The following CA12 variants were observed in gnomAD, a reference collection of about 807,000 sequenced individuals.
CA12 encodes carbonic anhydrase 12, also known as carbonate dehydratase XII.
In CA12, 36 loss-of-function variants were observed where a neutral mutation model predicts 46.8. That is an observed-to-expected ratio of 0.77 (90% confidence interval 0.59 to 1.02). The LOEUF is 1.02. Among genes scored for constraint, CA12 ranks in the 50% least tolerant of loss-of-function variants. The probability of loss-of-function intolerance (pLI) is 0.00; values close to 1 mark genes in which losing one functional copy is unlikely to be tolerated. For missense variants in CA12, 436 were observed against 451.4 expected (o/e 0.97, Z 0.31); for synonymous variants, 202 against 187.0 (o/e 1.08, Z -0.65).
rs117865537 is a variant in CA12 at position 63,348,345 on chromosome 15, G to A, written c.107-1636C>T. On this transcript the variant is annotated intron_variant, in intron 2 of 10. Coordinates refer to ENST00000178638, the MANE Select transcript of CA12 (RefSeq NM_001218.5). The surrounding 1 kb of genome is among the most constrained non-coding windows in gnomAD (Gnocchi z 4.6). ...CACCAAGATGGTGACTAGGGAAGAG[G>A]GAGGCTGGAGGATATCAAAGCAGGC... Among the ~76,000 whole-genome samples, 294 of 152,278 alleles carry A rather than the reference G, an allele frequency of 1.9e-3. No homozygotes were observed. The highest frequency in any genetic ancestry group is 3.3e-3 in the Non-Finnish European group (222 of 68,026).
At chr15:63,363,147 T>G (rs1018767942) in intron 2 of CA12, among the ~76,000 whole-genome samples, 1 of 152,228 alleles carries the variant, frequency 6.6e-6, no homozygotes, top group African/African-American at 2.4e-5. Flanking sequence ...CTTTCTTTTT[T>G]TCTTAGGGGC....
At position 63,339,940 on chromosome 15, in the gene CA12, A is replaced by G. The variant is rs1396722093; in HGVS notation, c.747+348T>C. ...TCATTGCTGCAATCCCATCTCTTAAATGATTTCATCTGATCCTGTCTTTAT... is the reference window on the plus strand; with the variant it reads ...TCATTGCTGCAATCCCATCTCTTAAGTGATTTCATCTGATCCTGTCTTTAT... On this transcript the variant is annotated intron_variant, in intron 7 of 10. Coordinates refer to ENST00000178638, the MANE Select transcript of CA12 (RefSeq NM_001218.5). This position sits in a 1 kb window ranked among gnomAD's most constrained non-coding sequence, Gnocchi z 4.3. 1 of 356,836 alleles carries G rather than the reference A, an allele frequency of 2.8e-6. No homozygotes were observed. Among genetic ancestry groups the G allele is most frequent in the East Asian group, 7.2e-5 (1 of 13,804 alleles). The allele number at this position is 356,836 out of a possible 1,614,324, so 22.1% of individuals were successfully genotyped here. A position where few individuals can be genotyped will look rare whatever the true frequency, so the allele number is the denominator to read the frequency against.
chr15:63,332,040 G>A (rs1393501715), intron 8 of CA12, among the ~76,000 whole-genome samples: 3 of 152,160 alleles, frequency 2.0e-5, no homozygotes, highest in African/African-American at 4.8e-5. Flanking sequence ...GTTACGTAGC[G>A]ATATCCTTAG....
Position 63,346,668 on chromosome 15 carries a change from A to G in CA12, c.148T>C (p.Cys50Arg). 2 of 1,614,188 alleles carry G rather than the reference A, an allele frequency of 1.2e-6. No homozygotes were observed. The highest frequency in any genetic ancestry group is 1.7e-6 in the Non-Finnish European group (2 of 1,180,022). Residue 50 changes from cysteine (C) to arginine (R), a missense_variant, in exon 3 of 11, where the codon TGT becomes CGT. By Grantham distance (180) the Cys-to-Arg change is radical (BLOSUM62 -3). Coordinates refer to ENST00000178638, the MANE Select transcript of CA12 (RefSeq NM_001218.5). ...ENSWSKKYPS[C>R]GGLLQSPIDL... ...ATGGGGGACTGCAGCAGGCCCCCAC[A>G]CGACGGGTACTTCTTGGACCAGCTA...
intron 8 of CA12, among the ~76,000 whole-genome samples, chr15:63,335,799 A>T (rs2038995505): frequency 1.3e-5 from 2 of 152,150 alleles, no homozygotes; most frequent in African/African-American, 4.8e-5. Flanking sequence ...ACACTGACAA[A>T]GTCTCACACC....
chr15:63,339,069 G>T lies in CA12; in HGVS notation c.748-124C>A. The T allele has an allele frequency of 8.2e-7, 1 of 1,213,414 alleles. No individual in the cohort carries two copies. The highest frequency in any genetic ancestry group is 1.5e-5 in the African/African-American group (1 of 66,864). 75.2% of individuals were successfully genotyped at this position (1,213,414 alleles called of 1,614,324 possible). A position where few individuals can be genotyped will look rare whatever the true frequency, so the allele number is the denominator to read the frequency against. On this transcript the variant is annotated intron_variant, in intron 7 of 10. Coordinates refer to ENST00000178638, the MANE Select transcript of CA12 (RefSeq NM_001218.5). The surrounding 1 kb of genome is among the most constrained non-coding windows in gnomAD (Gnocchi z 4.3). ...TCTGGAACCAGCTTCTGTGGGGCCG[G>T]GTGGGAGATATTAGAAAGCAGAGGG...
chr15:63,327,178 C>T lies in CA12; in HGVS notation c.963G>A (p.Val321=), dbSNP rs2038877988. The T allele has an allele frequency of 1.2e-6, 2 of 1,614,056 alleles. No individual in the cohort carries two copies. Among genetic ancestry groups the T allele is most frequent in the East Asian group, 2.2e-5 (1 of 44,880 alleles). Residue 321 remains valine, a synonymous_variant, in exon 10 of 11, where the codon GTG becomes GTA. Coordinates refer to ENST00000178638, the MANE Select transcript of CA12 (RefSeq NM_001218.5). The surrounding 1 kb of genome is among the most constrained non-coding windows in gnomAD (Gnocchi z 4.5). ...AGILGICIVV[V]VSIWLFRRKS... Reference sequence around the variant, plus strand: ...TCCTTCTGAAAAGCCAAATGGACACCACCACCACAATACAGATGCCAAGAA... The same window carrying T: ...TCCTTCTGAAAAGCCAAATGGACACTACCACCACAATACAGATGCCAAGAA...
At chr15:63,342,675 G>A (rs975072086) in intron 4 of CA12, among the ~76,000 whole-genome samples, 1 of 152,146 alleles carries the variant, frequency 6.6e-6, no homozygotes, top group East Asian at 1.9e-4. Flanking sequence ...GCCTGAACTA[G>A]TTTTCATGTT....
Position 63,345,007 on chromosome 15 carries a change from C to A in CA12, c.429+470G>T, listed in dbSNP as rs2039127580. ...GCCAGGTAGAAGGGTGGCCCTAGAC[C>A]CATGTCCCCATGTTCTAAACACAAC... is the stretch of plus-strand genomic sequence containing the variant. On this transcript the variant is annotated intron_variant, in intron 4 of 10. Coordinates refer to ENST00000178638, the MANE Select transcript of CA12 (RefSeq NM_001218.5). The surrounding 1 kb of genome is among the most constrained non-coding windows in gnomAD (Gnocchi z 4.3). Among the ~76,000 whole-genome samples, 1 of 152,096 alleles carries A rather than the reference C, an allele frequency of 6.6e-6. No individual in the cohort carries two copies. Among genetic ancestry groups the A allele is most frequent in the African/African-American group, 2.4e-5 (1 of 41,392 alleles).
At chr15:63,371,770 G>T (rs1381104981) in intron 2 of CA12, among the ~76,000 whole-genome samples, 1 of 152,182 alleles carries the variant, frequency 6.6e-6, no homozygotes, top group African/African-American at 2.4e-5. Context: ...CTAACATGAT[G>T]TGCTCTCGGG....
intron 1 of CA12, among the ~76,000 whole-genome samples, chr15:63,376,742 A>C (rs1030184203): frequency 6.6e-6 from 1 of 151,890 alleles, no homozygotes; most frequent in Admixed American, 6.6e-5. Flanking sequence ...TCCTGGGCTC[A>C]AGCAATCCTC....
intron 2 of CA12, among the ~76,000 whole-genome samples, chr15:63,356,615 T>C (rs1233847232): frequency 6.6e-6 from 1 of 151,260 alleles, no homozygotes; most frequent in Non-Finnish European, 1.5e-5. Context: ...CTCTGCCTCC[T>C]GGGTTCAAGC....
chr15:63,376,104 C>T (rs1025644709), intron 1 of CA12, among the ~76,000 whole-genome samples: 3 of 152,122 alleles, frequency 2.0e-5, no homozygotes, highest in Admixed American at 6.5e-5. Flanking sequence ...CCACCATGCC[C>T]GGCCAAATTG....
chr15:63,371,943 C>T (rs915095110), intron 2 of CA12, among the ~76,000 whole-genome samples: 18 of 152,132 alleles, frequency 1.2e-4, no homozygotes, highest in African/African-American at 4.1e-4. Context: ...ATCTCCCAGC[C>T]AGCTGGAACT....
In CA12 at chr15:63,348,439, G is replaced by A. The variant is rs551189196; in HGVS notation, c.107-1730C>T. Among the ~76,000 whole-genome samples the A allele has an allele frequency of 9.8e-4, 149 of 152,264 alleles. No homozygotes were observed. The highest frequency in any genetic ancestry group is 3.0e-3 in the African/African-American group (124 of 41,540). On this transcript the variant is annotated intron_variant, in intron 2 of 10. Coordinates refer to ENST00000178638, the MANE Select transcript of CA12 (RefSeq NM_001218.5). The surrounding 1 kb of genome is among the most constrained non-coding windows in gnomAD (Gnocchi z 4.6). The stretch of plus-strand genomic sequence containing the variant: ...CCAAACCGAATGCTTTAGGGGCAGC[G>A]GGGAGCAGAATGAAGCAACCGTGAG...
chr15:63,365,436 C>T (rs1432916181), intron 2 of CA12, among the ~76,000 whole-genome samples: 1 of 152,240 alleles, frequency 6.6e-6, no homozygotes, highest in Non-Finnish European at 1.5e-5. Context: ...GACTCTGCTC[C>T]TCAGGCTGCT....
chr15:63,327,213 G>C lies in CA12; in HGVS notation c.928C>G (p.Leu310Val). ...LSLGIILSLA[L>V]AGILGICIVV... is the part of the protein sequence containing the mutation. ...ATACAGATGCCAAGAATGCCAGCCA[G>C]GGCCAGTGAGAGGATGATGCCTGGT... Residue 310 changes from leucine (L) to valine (V), a missense_variant, in exon 10 of 11, where the codon CTG becomes GTG. Transcript: ENST00000178638. This position sits in a 1 kb window ranked among gnomAD's most constrained non-coding sequence, Gnocchi z 4.5. 1 of 1,614,014 alleles carries C rather than the reference G, an allele frequency of 6.2e-7. No individual in the cohort carries two copies. The highest frequency in any genetic ancestry group is 8.5e-7 in the Non-Finnish European group (1 of 1,179,932).
At chr15:63,366,515 A>G (rs1403139864) in intron 2 of CA12, among the ~76,000 whole-genome samples, 1 of 152,220 alleles carries the variant, frequency 6.6e-6, no homozygotes, top group Non-Finnish European at 1.5e-5. Flanking sequence ...TCATAATGGT[A>G]GGGACCAAGC....
rs969724340 is a variant in CA12 at position 63,378,315 on chromosome 15, G to T, written c.86-2637C>A. 3.9e-5 allele frequency among the ~76,000 whole-genome samples: 6 copies of T among 152,168 alleles called. No homozygotes were observed. Among genetic ancestry groups the T allele is most frequent in the Non-Finnish European group, 5.9e-5 (4 of 68,024 alleles). On this transcript the variant is annotated intron_variant, in intron 1 of 10. Coordinates refer to ENST00000178638, the MANE Select transcript of CA12 (RefSeq NM_001218.5). This position sits in a 1 kb window ranked among gnomAD's most constrained non-coding sequence, Gnocchi z 4.8. ...AGGCAGGAGAATTGCTTGAACCCGG[G>T]AGGCGGAGGTTGCAGTGAGCTGAGA...
Sources: allele counts gnomAD v4.1 joint callset (sites outside exome capture counted in the v4.1 genomes callset), GRCh38; gene constraint gnomAD v4.1.1; non-coding constraint Gnocchi (gnomAD v3.1); transcripts MANE v1.5; gene names NCBI Gene and HGNC (gene_info 2026-07-23, HGNC 2026-07-21).